EPS15: variants seen among roughly 807,000 people sequenced by gnomAD.
The protein encoded by EPS15 is epidermal growth factor receptor substrate 15.
In EPS15, 72 loss-of-function variants were observed where a neutral mutation model predicts 113.8. That is an observed-to-expected ratio of 0.63 (90% CI 0.52 to 0.77). The LOEUF is 0.77. Among genes scored for constraint, EPS15 ranks in the 30% least tolerant of loss-of-function variants. EPS15 has a pLI of 0.00. For synonymous variants in EPS15, 344 were observed against 363.4 expected (o/e 0.95, Z 0.61); for missense variants, 1,048 against 1,045.8 (o/e 1.00, Z -0.03).
intron 24 of EPS15, among the ~76,000 whole-genome samples, chr1:51,359,611 T>C (rs376263592): frequency 1.4e-5 from 2 of 147,122 alleles, no homozygotes; most frequent in African/African-American, 5.0e-5. Context: ...AATACAAAAT[T>C]AGCCAGGTGT....
At chr1:51,508,198 GAAAAGAA>G (rs1253697327) in intron 1 of EPS15, among the ~76,000 whole-genome samples, 11 of 59,194 alleles carry the variant, frequency 1.9e-4, no homozygotes, top group Non-Finnish European at 3.7e-4. Context: ...GAAAAGAAAA[GAAAAGAA>G]AAGAAAAGAA....
At chr1:51,449,959 C>A (rs917698670) in intron 8 of EPS15, among the ~76,000 whole-genome samples, 1 of 151,808 alleles carries the variant, frequency 6.6e-6, no homozygotes, top group African/African-American at 2.4e-5. Flanking sequence ...GGAGGCTCCA[C>A]TGAAGATTCA....
intron 21 of EPS15, among the ~76,000 whole-genome samples, chr1:51,375,040 C>T (rs1197045695): frequency 7.6e-5 from 9 of 118,976 alleles, no homozygotes; most frequent in Non-Finnish European, 1.3e-4. Flanking sequence ...CTTGCTCTGT[C>T]GCCCAGGCTG....
Position 51,445,026 on chromosome 1 carries a change from C to T in EPS15, c.817G>A (p.Asp273Asn). 1.2e-6 allele frequency: 2 copies of T among 1,613,712 alleles called. No homozygotes were observed. The highest frequency in any genetic ancestry group is 1.7e-6 in the Non-Finnish European group (2 of 1,179,774). ...AHIWSLCDTKDCGKLSKDQFA... is the reference protein window; with the variant it reads ...AHIWSLCDTKNCGKLSKDQFA... Reference sequence around the variant, plus strand: ...TGATCCTTTGAAAGCTTCCCACAGTCCTTTGTGTCGCATAATGACCTGCAC... The same window carrying T: ...TGATCCTTTGAAAGCTTCCCACAGTTCTTTGTGTCGCATAATGACCTGCAC... The change falls in exon 11 of 25, where the codon GAC (aspartate) becomes AAC (asparagine). Residue 273 changes from aspartate (D) to asparagine (N), a missense_variant. Transcript: ENST00000371733.
intron 12 of EPS15, among the ~76,000 whole-genome samples, chr1:51,426,841 A>C (rs58617785): frequency 0.22 from 27,977 of 127,970 alleles, 2,766 homozygotes; most frequent in South Asian, 0.39. Flanking sequence ...CTCTCTCTAT[A>C]TATATATATA....
chr1:51,418,023 T>C (rs1436428842), intron 13 of EPS15, among the ~76,000 whole-genome samples: 1 of 152,130 alleles, frequency 6.6e-6, no homozygotes, highest in Non-Finnish European at 1.5e-5. Context: ...CTGATATGAC[T>C]TTAAGATTTT....
intron 11 of EPS15, among the ~76,000 whole-genome samples, chr1:51,440,688 A>G (rs1325266245): frequency 6.6e-6 from 1 of 151,946 alleles, no homozygotes; most frequent in Non-Finnish European, 1.5e-5. Context: ...CCCACCTCCG[A>G]TCCGAATGTC....
intron 21 of EPS15, among the ~76,000 whole-genome samples, chr1:51,392,695 CCTG>C (rs1199789534): frequency 3.3e-5 from 5 of 152,214 alleles, no homozygotes; most frequent in African/African-American, 1.2e-4. Context: ...TCCATATTTA[CCTG>C]CTAAAATACT....
intron 24 of EPS15, among the ~76,000 whole-genome samples, 173 bp downstream of exon 24, chr1:51,360,998 G>A (rs917997945): frequency 6.6e-5 from 10 of 152,176 alleles, no homozygotes; most frequent in South Asian, 4.1e-4. Context: ...TGGAACAACC[G>A]TAGAACTGTC....
Position 51,409,636 on chromosome 1 carries a change from G to GT in EPS15, c.1173dup (p.Gln392ThrfsTer8). 1 of 1,613,508 alleles carries GT rather than the reference G, an allele frequency of 6.2e-7. No homozygotes were observed. Among genetic ancestry groups the GT allele is most frequent in the Non-Finnish European group, 8.5e-7 (1 of 1,179,620 alleles). On this transcript the variant is annotated frameshift_variant, in exon 14 of 25. Transcript: ENST00000371733. LOFTEE classifies it high-confidence loss of function. ...TCATCAAGGAGTTCCTGTACCTGCT[G>GT]TTTCTGGGCCTGTAGTTTTTGCAGA...
intron 23 of EPS15, among the ~76,000 whole-genome samples, chr1:51,363,287 G>T (rs1391598677): frequency 8.2e-6 from 1 of 121,294 alleles, no homozygotes; most frequent in African/African-American, 3.3e-5. Context: ...AACAGAGCGA[G>T]ATTCCATCTC....
chr1:51,478,793 T>C (rs1643964624), intron 2 of EPS15, among the ~76,000 whole-genome samples: 1 of 152,256 alleles, frequency 6.6e-6, no homozygotes, highest in Non-Finnish European at 1.5e-5. Flanking sequence ...CCCCACTCTC[T>C]TCTGGCTGGT....
intron 11 of EPS15, 106 bp downstream of exon 11, chr1:51,444,783 G>T: frequency 8.8e-7 from 1 of 1,137,898 alleles, no homozygotes; most frequent in Non-Finnish European, 1.3e-6. Context: ...TCTGCTCTTA[G>T]CCAGATACAT....
intron 8 of EPS15, among the ~76,000 whole-genome samples, chr1:51,451,505 A>AAAAAAAAG (rs763389428): frequency 6.8e-6 from 1 of 147,560 alleles, no homozygotes; most frequent in Admixed American, 6.8e-5. Context: ...AAAAAAAAAA[A>AAAAAAAAG]AAAGAAAGAA....
intron 1 of EPS15, among the ~76,000 whole-genome samples, chr1:51,504,993 T>C (rs1452425986): frequency 6.6e-6 from 1 of 151,950 alleles, no homozygotes; most frequent in African/African-American, 2.4e-5. Context: ...TGGTGGTATA[T>C]ACCTGTAGTC....
At chr1:51,358,176 C>T (rs1050093296) in intron 24 of EPS15, among the ~76,000 whole-genome samples, 4 of 151,998 alleles carry the variant, frequency 2.6e-5, no homozygotes, top group African/African-American at 9.7e-5. Context: ...TGGTGGTGCA[C>T]ATCTGTAGTT....
chr1:51,386,092 T>A (rs1236864457), intron 21 of EPS15, among the ~76,000 whole-genome samples: 5 of 152,186 alleles, frequency 3.3e-5, no homozygotes, highest in African/African-American at 1.2e-4. Context: ...ACAAAATAAA[T>A]AATGTCTACC....
chr1:51,513,850 T>G (rs1644668696), intron 1 of EPS15, among the ~76,000 whole-genome samples: 1 of 152,162 alleles, frequency 6.6e-6, no homozygotes, highest in Non-Finnish European at 1.5e-5. Flanking sequence ...CTCTAAATGT[T>G]TAGGATGAAA....
intron 21 of EPS15, among the ~76,000 whole-genome samples, chr1:51,384,146 T>C (rs1326408906): frequency 1.3e-5 from 2 of 152,124 alleles, no homozygotes; most frequent in African/African-American, 4.8e-5. Context: ...GTTGGTAATA[T>C]TACCCAAAGA....
Sources: allele counts gnomAD v4.1 joint callset (sites outside exome capture counted in the v4.1 genomes callset), GRCh38; gene constraint gnomAD v4.1.1; transcripts MANE v1.5; gene names NCBI Gene and HGNC (gene_info 2026-07-23, HGNC 2026-07-21).